Variants in ARB2A observed in about 807,000 individuals in gnomAD.
ARB2A encodes cotranscriptional regulator ARB2A.
At chr5:93,724,829 C>G in the ARB2A span, among the ~76,000 whole-genome samples, 3 of 151,936 alleles carry the variant, frequency 2.0e-5, no homozygotes, top group Non-Finnish European at 4.4e-5. Context: ...TAAGATAGAA[C>G]AATTATCACA....
the ARB2A span, among the ~76,000 whole-genome samples, chr5:93,999,726 C>G: frequency 6.6e-6 from 1 of 151,970 alleles, no homozygotes; most frequent in Non-Finnish European, 1.5e-5. Flanking sequence ...TGGTGCTGTA[C>G]TTTCTATGAG....
chr5:93,916,755 T>C, the ARB2A span, among the ~76,000 whole-genome samples: 71 of 152,208 alleles, frequency 4.7e-4, no homozygotes, highest in Admixed American at 1.6e-3. Context: ...TTCCATACAA[T>C]GGGTGCTTTG....
the ARB2A span, among the ~76,000 whole-genome samples, chr5:94,013,456 G>C: frequency 2.0e-5 from 3 of 152,078 alleles, no homozygotes; most frequent in Non-Finnish European, 4.4e-5. Context: ...GATTACAGGC[G>C]TGAGACATCG....
the ARB2A span, among the ~76,000 whole-genome samples, chr5:93,621,316 C>T: frequency 1.3e-5 from 2 of 151,404 alleles, no homozygotes; most frequent in Non-Finnish European, 2.9e-5. Context: ...CCCTCGCGGG[C>T]GCGGGCCAGC....
At chr5:94,084,099 C>G in the ARB2A span, among the ~76,000 whole-genome samples, 1 of 151,426 alleles carries the variant, frequency 6.6e-6, no homozygotes, top group Admixed American at 6.6e-5. Context: ...TACGGTGAAA[C>G]CCCATCTCTA....
At chr5:94,082,040 A>G in the ARB2A span, among the ~76,000 whole-genome samples, 5 of 152,200 alleles carry the variant, frequency 3.3e-5, no homozygotes, top group Non-Finnish European at 5.9e-5. Flanking sequence ...CTCTAGCTAG[A>G]TATTAAGAAC....
the ARB2A span, among the ~76,000 whole-genome samples, chr5:93,902,128 TA>T: frequency 1.3e-5 from 2 of 152,208 alleles, no homozygotes; most frequent in African/African-American, 4.8e-5. Flanking sequence ...TAATATGTAT[TA>T]GGGGTTCAAT....
At chr5:93,871,104 C>T in the ARB2A span, among the ~76,000 whole-genome samples, 2 of 152,118 alleles carry the variant, frequency 1.3e-5, no homozygotes, top group Admixed American at 6.6e-5. Flanking sequence ...TATTTGTGGT[C>T]AATGATACAA....
chr5:94,029,077 C>T, the ARB2A span, among the ~76,000 whole-genome samples: 2 of 152,018 alleles, frequency 1.3e-5, no homozygotes, highest in African/African-American at 2.4e-5. Flanking sequence ...AAGCAATATC[C>T]GCCTCCCAGA....
chr5:94,018,256 A>G, the ARB2A span, among the ~76,000 whole-genome samples: 2 of 152,202 alleles, frequency 1.3e-5, no homozygotes, highest in African/African-American at 4.8e-5. Flanking sequence ...TACAAAGACT[A>G]TAACAATCTA....
chr5:93,700,722 G>A, the ARB2A span, among the ~76,000 whole-genome samples: 5 of 152,112 alleles, frequency 3.3e-5, no homozygotes, highest in East Asian at 1.9e-4. Flanking sequence ...TCTTATTCCC[G>A]TTTCCTTCAA....
chr5:94,050,252 CT>C, the ARB2A span, among the ~76,000 whole-genome samples: 382 of 132,602 alleles, frequency 2.9e-3, no homozygotes, highest in East Asian at 0.029. Flanking sequence ...AAAACAGAAA[CT>C]TTTTTTTTTT....
At chr5:93,865,141 G>A in the ARB2A span, among the ~76,000 whole-genome samples, 3 of 152,104 alleles carry the variant, frequency 2.0e-5, no homozygotes, top group South Asian at 6.2e-4. Context: ...GAGTGCAGTG[G>A]CGCGATCTCG....
chr5:93,781,214 T>A, the ARB2A span, among the ~76,000 whole-genome samples: 8 of 152,190 alleles, frequency 5.3e-5, no homozygotes, highest in Non-Finnish European at 1.2e-4. Context: ...ACTTTGTATG[T>A]CCATATGTAC....
the ARB2A span, among the ~76,000 whole-genome samples, chr5:93,828,221 T>G: frequency 2.6e-5 from 4 of 152,232 alleles, no homozygotes; most frequent in Non-Finnish European, 5.9e-5. Flanking sequence ...TTCCTACCCA[T>G]GAGCATGGAA....
the ARB2A span, among the ~76,000 whole-genome samples, chr5:94,004,321 A>G: frequency 6.6e-6 from 1 of 152,152 alleles, no homozygotes; most frequent in South Asian, 2.1e-4. Context: ...ATTAGACTGC[A>G]TTAGAATTAA....
At chr5:93,921,925 C>T in the ARB2A span, among the ~76,000 whole-genome samples, 1 of 152,064 alleles carries the variant, frequency 6.6e-6, no homozygotes, top group Admixed American at 6.6e-5. Context: ...CCCTAGCCAT[C>T]CAGACCCCCA....
the ARB2A span, among the ~76,000 whole-genome samples, chr5:93,868,818 T>A: frequency 2.0e-5 from 3 of 152,214 alleles, no homozygotes; most frequent in Non-Finnish European, 4.4e-5. Context: ...AACTACTGTA[T>A]AGAAGGAACT....
the ARB2A span, among the ~76,000 whole-genome samples, chr5:93,833,538 T>C: frequency 1.3e-5 from 2 of 152,246 alleles, no homozygotes; most frequent in Non-Finnish European, 2.9e-5. Flanking sequence ...TTATCTGATA[T>C]GTAGTGTAAT....
Sources: gnomAD v4.1 joint callset for allele counts (sites outside exome capture counted in the v4.1 genomes callset) on GRCh38, gnomAD v4.1.1 for gene constraint, MANE v1.5 for transcripts, NCBI Gene and HGNC (gene_info 2026-07-23, HGNC 2026-07-21) for gene names.